The following NRG1 variants were observed in gnomAD, a reference collection of about 807,000 sequenced individuals.
The protein encoded by NRG1 is neuregulin 1.
Under a neutral mutation model 63.8 loss-of-function variants are expected in NRG1, and 18 were observed. The observed-to-expected ratio is 0.28, with a 90% confidence interval of 0.19 to 0.42. NRG1 has a LOEUF of 0.42. Among genes scored for constraint, NRG1 ranks in the 10% least tolerant of loss-of-function variants. The probability of loss-of-function intolerance (pLI) is 1.00; values close to 1 mark genes in which losing one functional copy is unlikely to be tolerated. For missense variants in NRG1, 762 were observed against 814.7 expected, an observed-to-expected ratio of 0.94 and a Z score of 0.79; for synonymous variants, 302 against 301.3, an observed-to-expected ratio of 1.00 and a Z score of -0.02.
intron 1 of NRG1, among the ~76,000 whole-genome samples, chr8:31,661,634 G>T (rs1806002521): frequency 6.6e-6 from 1 of 152,180 alleles, no homozygotes. Flanking sequence ...TTGTGTCATT[G>T]ATTTCTACTG....
chr8:31,701,472 T>C (rs1810623679), intron 1 of NRG1, among the ~76,000 whole-genome samples: 1 of 152,134 alleles, frequency 6.6e-6, no homozygotes, highest in Non-Finnish European at 1.5e-5. Flanking sequence ...TCATTTTTAT[T>C]CAAGAGGGAA....
intron 7 of NRG1, among the ~76,000 whole-genome samples, 163 bp from the exon 8 acceptor site, chr8:32,754,209 G>A (rs944598194): frequency 5.9e-5 from 9 of 152,166 alleles, no homozygotes; most frequent in Non-Finnish European, 1.2e-4. Context: ...GCATAGTGCA[G>A]AGCATGTTGT....
At chr8:32,612,269 C>T (rs2129541244) in intron 3 of NRG1, among the ~76,000 whole-genome samples, 1 of 152,110 alleles carries the variant, frequency 6.6e-6, no homozygotes, top group East Asian at 1.9e-4. Flanking sequence ...TTACTTTTAA[C>T]AAAAGGCTGT....
chr8:31,899,234 G>T (rs1831868156), intron 1 of NRG1, among the ~76,000 whole-genome samples: 1 of 151,866 alleles, frequency 6.6e-6, no homozygotes, highest in South Asian at 2.1e-4. Context: ...CTCCCAAAGT[G>T]CTGGGACTAC....
intron 1 of NRG1, among the ~76,000 whole-genome samples, chr8:32,055,715 A>T (rs1054015404): frequency 2.3e-4 from 30 of 127,684 alleles, no homozygotes; most frequent in Non-Finnish European, 3.5e-4. Context: ...CTTACTCACC[A>T]CTTTAAAATA....
intron 1 of NRG1, among the ~76,000 whole-genome samples, chr8:32,259,420 A>G (rs1478876014): frequency 1.3e-5 from 2 of 152,142 alleles, no homozygotes; most frequent in Non-Finnish European, 2.9e-5. Flanking sequence ...CGTCCACTCC[A>G]TCTTCAGTGC....
chr8:31,860,395 T>C (rs1403058917), intron 1 of NRG1, among the ~76,000 whole-genome samples: 1 of 152,174 alleles, frequency 6.6e-6, no homozygotes, highest in East Asian at 1.9e-4. Flanking sequence ...TGGAGCAGAA[T>C]TAGATCATGA....
intron 1 of NRG1, among the ~76,000 whole-genome samples, chr8:32,310,327 C>T (rs1229925021): frequency 6.6e-6 from 1 of 152,168 alleles, no homozygotes; most frequent in South Asian, 2.1e-4. Flanking sequence ...AAATATTTGG[C>T]AGCTCATCCA....
chr8:32,587,259 A>G (rs956170606), intron 1 of NRG1, among the ~76,000 whole-genome samples: 3 of 152,100 alleles, frequency 2.0e-5, no homozygotes, highest in African/African-American at 7.2e-5. Flanking sequence ...CTTTTCTTGC[A>G]ATAATACAAG....
At chr8:32,726,313 ATTG>A (rs1366007150) in intron 5 of NRG1, among the ~76,000 whole-genome samples, 2 of 152,034 alleles carry the variant, frequency 1.3e-5, no homozygotes, top group Non-Finnish European at 2.9e-5. Flanking sequence ...GCTATTATTC[ATTG>A]AATGCCAATT....
chr8:31,877,302 T>C (rs1432494044), intron 1 of NRG1, among the ~76,000 whole-genome samples: 1 of 152,174 alleles, frequency 6.6e-6, no homozygotes, highest in East Asian at 1.9e-4. Context: ...AACAAGCAAG[T>C]TGTTTTTATG....
chr8:31,736,786 C>T (rs1250419271), intron 1 of NRG1, among the ~76,000 whole-genome samples: 1 of 152,116 alleles, frequency 6.6e-6, no homozygotes, highest in Admixed American at 6.5e-5. Flanking sequence ...CAAGGCCATT[C>T]CTCATTATAT....
At chr8:32,314,026 T>G (rs960312491) in intron 1 of NRG1, among the ~76,000 whole-genome samples, 3 of 152,170 alleles carry the variant, frequency 2.0e-5, no homozygotes, top group Non-Finnish European at 4.4e-5. Flanking sequence ...AATCAGCTTT[T>G]TTTCTTGCAA....
rs543519167 is a variant in NRG1 at position 32,352,449 on chromosome 8, G to A, written c.38-243379G>A. Reference sequence around the variant, plus strand: ...TAATTGTATAAATCTGGTTGGCAATGGACTCTTTAGTGCAAAGTCCTAAAG... The same window carrying A: ...TAATTGTATAAATCTGGTTGGCAATAGACTCTTTAGTGCAAAGTCCTAAAG... On this transcript the variant is annotated intron_variant, in intron 1 of 10. Transcript: ENST00000519301. Among the ~76,000 whole-genome samples, 8 of 151,296 alleles carry A rather than the reference G, an allele frequency of 5.3e-5. No homozygotes were observed. The South Asian group carries it at 1.5e-3, about 28-fold the overall frequency.
At chr8:32,235,938 G>A (rs192713003) in intron 1 of NRG1, among the ~76,000 whole-genome samples, 190 of 152,262 alleles carry the variant, frequency 1.2e-3, no homozygotes, top group African/African-American at 4.3e-3. Context: ...AATGTTTGAT[G>A]ACCGTTGACA....
intron 1 of NRG1, among the ~76,000 whole-genome samples, chr8:32,154,244 C>T (rs1275951556): frequency 6.6e-6 from 1 of 152,036 alleles, no homozygotes. Context: ...ATCTCTCTAC[C>T]TCTTCATTTT....
At chr8:31,704,970 T>C (rs1810999466) in intron 1 of NRG1, among the ~76,000 whole-genome samples, 1 of 152,194 alleles carries the variant, frequency 6.6e-6, no homozygotes, top group African/African-American at 2.4e-5. Context: ...TAAGATATTT[T>C]GAAATAAAAT....
At chr8:31,980,787 C>T (rs1808937127) in intron 1 of NRG1, among the ~76,000 whole-genome samples, 1 of 151,762 alleles carries the variant, frequency 6.6e-6, no homozygotes, top group South Asian at 2.1e-4. Flanking sequence ...TTATTAATAG[C>T]AATGTATTAC....
At chr8:32,452,155 C>G (rs1178859512) in intron 1 of NRG1, among the ~76,000 whole-genome samples, 1 of 152,038 alleles carries the variant, frequency 6.6e-6, no homozygotes, top group Non-Finnish European at 1.5e-5. Flanking sequence ...AAGTCATTCT[C>G]AAAAATAAAC....
Sources: allele counts gnomAD v4.1 joint callset (sites outside exome capture counted in the v4.1 genomes callset), GRCh38; gene constraint gnomAD v4.1.1; transcripts MANE v1.5; gene names NCBI Gene and HGNC (gene_info 2026-07-23, HGNC 2026-07-21).